BCHE: variants seen among roughly 807,000 people sequenced by gnomAD.
BCHE encodes butyrylcholinesterase, also known as cholinesterase.
Under a neutral mutation model 51.3 loss-of-function variants are expected in BCHE, and 48 were observed. The observed-to-expected ratio is 0.94, with a 90% CI of 0.74 to 1.19. The LOEUF (loss-of-function observed/expected upper bound fraction) is 1.19, where lower values mean the gene tolerates loss of function less well. Ranked by LOEUF, BCHE falls within the 50% of genes most tolerant of loss-of-function variation. The pLI, the probability that BCHE is intolerant of heterozygous loss-of-function variation, is 0.00. For synonymous variants in BCHE, 251 were observed against 238.0 expected, an observed-to-expected ratio of 1.05 and a Z score of -0.50; for missense variants, 847 against 708.2, an observed-to-expected ratio of 1.20 and a Z score of -2.23.
At chr3:165,820,484 G>T (rs1396155794) in intron 2 of BCHE, among the ~76,000 whole-genome samples, 1 of 151,886 alleles carries the variant, frequency 6.6e-6, no homozygotes, top group Non-Finnish European at 1.5e-5. Context: ...GAGAAAAAAA[G>T]ATTTAAAGTG....
At chr3:165,787,019 C>G (rs1712981399) in intron 2 of BCHE, among the ~76,000 whole-genome samples, 1 of 151,658 alleles carries the variant, frequency 6.6e-6, no homozygotes, top group Non-Finnish European at 1.5e-5. Flanking sequence ...TAAATCCCTC[C>G]TTTTTTCATT....
In BCHE at chr3:165,830,006, G is replaced by A; in HGVS notation, c.1028C>T (p.Thr343Ile). 6.2e-7 allele frequency: 1 copy of A among 1,613,672 alleles called. No individual in the cohort carries two copies. Among genetic ancestry groups the A allele is most frequent in the Non-Finnish European group, 8.5e-7 (1 of 1,179,862 alleles). Residue 343 changes from threonine (T) to isoleucine (I), a missense_variant, in exon 2 of 4, where the codon ACC becomes ATC. Transcript: ENST00000264381. Reference protein sequence around the residue: ...ILLELGQFKKTQILVGVNKDE... With the variant: ...ILLELGQFKKIQILVGVNKDE... ...TTTATTAACACCCACCAAAATCTGG[G>A]TTTTTTTAAATTGTCCAAGTTCAAG...
At chr3:165,822,154 A>T (rs4465985) in intron 2 of BCHE, among the ~76,000 whole-genome samples, 11,251 of 152,058 alleles carry the variant, frequency 0.074, 522 homozygotes, top group East Asian at 0.11. Context: ...GCAAAAAAGC[A>T]TTAGAAAATA....
chr3:165,818,047 T>C (rs867548735), intron 2 of BCHE, among the ~76,000 whole-genome samples: 62 of 152,052 alleles, frequency 4.1e-4, no homozygotes, highest in African/African-American at 1.4e-3. Context: ...GGAAACAATC[T>C]CATGACTTTC....
chr3:165,792,200 A>C (rs768509602), intron 2 of BCHE, among the ~76,000 whole-genome samples: 1 of 152,064 alleles, frequency 6.6e-6, no homozygotes, highest in Admixed American at 6.5e-5. Context: ...GTGAAAAAAT[A>C]ACAAAAGTTA....
chr3:165,773,091 A>AC lies in BCHE; in HGVS notation c.*290_*291insG, dbSNP rs746868218. 1 of 249,816 alleles carries AC rather than the reference A, an allele frequency of 4.0e-6. No individual in the cohort carries two copies. Among genetic ancestry groups the AC allele is most frequent in the Admixed American group, 5.2e-5 (1 of 19,318 alleles). 15.5% of individuals were successfully genotyped at this position (249,816 alleles called of 1,614,324 possible). A position where few individuals can be genotyped will look rare whatever the true frequency, so the allele number is the denominator to read the frequency against. ...AGAGCACTGATAATTTTGGGGGGAA[A>AC]AACTTAAATTTATTAAGGAAAGAAA... is the stretch of plus-strand genomic sequence containing the variant. On this transcript the variant is annotated 3_prime_UTR_variant, in exon 4 of 4. Coordinates refer to ENST00000264381, the MANE Select transcript of BCHE (RefSeq NM_000055.4).
At chr3:165,812,688 G>A (rs920062138) in intron 2 of BCHE, among the ~76,000 whole-genome samples, 1 of 151,808 alleles carries the variant, frequency 6.6e-6, no homozygotes, top group African/African-American at 2.4e-5. Context: ...TGGCATAATT[G>A]TTATTTACTT....
intron 2 of BCHE, among the ~76,000 whole-genome samples, chr3:165,813,765 T>G (rs776370123): frequency 4.6e-5 from 7 of 151,960 alleles, no homozygotes; most frequent in Non-Finnish European, 1.0e-4. Flanking sequence ...GACTCTAATA[T>G]TATTTATTCT....
intron 2 of BCHE, among the ~76,000 whole-genome samples, chr3:165,809,264 C>T (rs2108220177): frequency 6.6e-6 from 1 of 152,118 alleles, no homozygotes; most frequent in East Asian, 1.9e-4. Flanking sequence ...AACATTAAGC[C>T]AATATAAGCA....
chr3:165,774,140 A>AG (rs1343507243), intron 3 of BCHE, among the ~76,000 whole-genome samples: 1 of 152,140 alleles, frequency 6.6e-6, no homozygotes, highest in East Asian at 1.9e-4. Context: ...AATAATGATA[A>AG]GAAAAAAAGG....
At chr3:165,825,466 A>C (rs1714685374) in intron 2 of BCHE, among the ~76,000 whole-genome samples, 1 of 152,106 alleles carries the variant, frequency 6.6e-6, no homozygotes, top group Admixed American at 6.6e-5. Context: ...TAAATTAATA[A>C]GCTGAGATTC....
chr3:165,830,229 T>C lies in BCHE; in HGVS notation c.805A>G (p.Asn269Asp). The change falls in exon 2 of 4, where the codon AAC (asparagine) becomes GAC (aspartate). Residue 269 changes from asparagine (N) to aspartate (D), a missense_variant. Physicochemically the swap from Asn to Asp is conservative, Grantham distance 23. Coordinates refer to ENST00000264381, the MANE Select transcript of BCHE (RefSeq NM_000055.4). ...AATTTAGCTAAGTTCAACGTTCTGTTCCTAGCTTCATAAAGAGATGTTACC... is the reference window on the plus strand; with the variant it reads ...AATTTAGCTAAGTTCAACGTTCTGTCCCTAGCTTCATAAAGAGATGTTACC... ...WAVTSLYEAR[N>D]RTLNLAKLTG... The C allele has an allele frequency of 6.2e-7, 1 of 1,613,982 alleles. No homozygotes were observed. The highest frequency in any genetic ancestry group is 1.1e-5 in the South Asian group (1 of 91,088).
chr3:165,836,301 A>G (rs781292939), intron 1 of BCHE, among the ~76,000 whole-genome samples: 39 of 152,010 alleles, frequency 2.6e-4, no homozygotes, highest in Non-Finnish European at 2.7e-4. Flanking sequence ...TTATCCTTAA[A>G]CAAAGTAACT....
At chr3:165,798,494 G>T (rs994745042) in intron 2 of BCHE, among the ~76,000 whole-genome samples, 2 of 152,130 alleles carry the variant, frequency 1.3e-5, no homozygotes, top group African/African-American at 4.8e-5. Context: ...TTCTTTGAAA[G>T]AGGCAATTTT....
intron 2 of BCHE, among the ~76,000 whole-genome samples, chr3:165,800,281 T>C (rs1299777526): frequency 6.6e-6 from 1 of 152,172 alleles, no homozygotes. Flanking sequence ...TTTTTCACTT[T>C]TAATAATGGA....
At chr3:165,793,253 A>G (rs1713241654) in intron 2 of BCHE, among the ~76,000 whole-genome samples, 1 of 152,214 alleles carries the variant, frequency 6.6e-6, no homozygotes, top group South Asian at 2.1e-4. Flanking sequence ...TATAAAATAC[A>G]CATAATGCAC....
chr3:165,777,226 G>T (rs1712505995), intron 3 of BCHE, among the ~76,000 whole-genome samples: 1 of 151,728 alleles, frequency 6.6e-6, no homozygotes, highest in Non-Finnish European at 1.5e-5. Context: ...TAAAAATAGA[G>T]CAGAAATAAA....
rs1576834771 is a variant in BCHE at position 165,780,458 on chromosome 3, T to A, written c.1684+5687A>T. 3.3e-5 allele frequency among the ~76,000 whole-genome samples: 5 copies of A among 152,240 alleles called. 1 individual carries two copies. The highest frequency in any genetic ancestry group is 4.1e-4 in the South Asian group (2 of 4,824). On this transcript the variant is annotated intron_variant, in intron 3 of 3. Coordinates refer to ENST00000264381, the MANE Select transcript of BCHE (RefSeq NM_000055.4). ...TTTTGCACAGCAAAATAAACTATCA[T>A]CAGAGTGAACAGGCAACCTACAGAA...
rs377659208 is a variant in BCHE, at chr3:165,831,048, G to T, written c.-8-7C>A. 1.7e-5 allele frequency: 27 copies of T among 1,600,548 alleles called. No individual in the cohort carries two copies. The African/African-American group carries it at 3.5e-4, about 21-fold the overall frequency. ...TTGCTATGCATATTGATTTCTGAAA[G>T]AGAGGTAAGTATAATGTTTTATAAG... On this transcript the variant is annotated splice_polypyrimidine_tract_variant and splice_region_variant and intron_variant, in intron 1 of 3. Coordinates refer to ENST00000264381, the MANE Select transcript of BCHE (RefSeq NM_000055.4).
Sources: allele counts gnomAD v4.1 joint callset (sites outside exome capture counted in the v4.1 genomes callset), GRCh38; gene constraint gnomAD v4.1.1; transcripts MANE v1.5; gene names NCBI Gene and HGNC (gene_info 2026-07-23, HGNC 2026-07-21).